EIF2S2: variants seen among roughly 807,000 people sequenced by gnomAD.
EIF2S2 encodes eukaryotic translation initiation factor 2 subunit 2.
A neutral mutation model predicts 44.0 loss-of-function variants in EIF2S2; 4 were observed. The ratio of observed to expected loss-of-function variants is 0.09; its 90% CI spans 0.04 to 0.21. EIF2S2 has a LOEUF of 0.21. EIF2S2 is among the 10% of genes least tolerant of loss of function. EIF2S2 has a pLI of 1.00. For missense variants in EIF2S2, 154 were observed against 392.0 expected, an observed-to-expected ratio of 0.39 and a Z score of 5.13; for synonymous variants, 108 against 128.3, an observed-to-expected ratio of 0.84 and a Z score of 1.07.
chr20:34,105,583 T>C lies in EIF2S2; in HGVS notation c.16-38A>G, dbSNP rs372973772. Reference sequence around the variant, plus strand: ...CAAAAAACAAAAAGGGACCAAATGATTGTTTTTAATGATGCTCACATTCCA... The same window carrying C: ...CAAAAAACAAAAAGGGACCAAATGACTGTTTTTAATGATGCTCACATTCCA... On this transcript the variant is annotated intron_variant, in intron 1 of 8. Coordinates refer to ENST00000374980, the MANE Select transcript of EIF2S2 (RefSeq NM_003908.5). 14 of 1,493,918 alleles carry C rather than the reference T, an allele frequency of 9.4e-6. 1 individual carries two copies. In the African/African-American group the frequency reaches 1.8e-4, roughly 20 times the overall value. 92.5% of individuals were successfully genotyped at this position (1,493,918 alleles called of 1,614,324 possible). A position where few individuals can be genotyped will look rare whatever the true frequency, so the allele number is the denominator to read the frequency against.
At chr20:34,091,133 ACAAT>A (rs1489773242) in intron 7 of EIF2S2, among the ~76,000 whole-genome samples, 1 of 152,206 alleles carries the variant, frequency 6.6e-6, no homozygotes, top group Admixed American at 6.5e-5. Context: ...TCCAGTGATA[ACAAT>A]CAGATTTATA....
intron 1 of EIF2S2, among the ~76,000 whole-genome samples, chr20:34,111,189 C>T (rs1171200470): frequency 6.6e-6 from 1 of 152,196 alleles, no homozygotes; most frequent in Non-Finnish European, 1.5e-5. Context: ...GATTATTCTA[C>T]TTCCTGTGAG....
chr20:34,090,604 TATGAA>T lies in EIF2S2; in HGVS notation c.741-7_741-3del. ...TGGTTATTACCATCTATAGAACCAC[TATGAA>T]AGAAAACAAAAATATCTCCATTATT... On this transcript the variant is annotated splice_region_variant and splice_polypyrimidine_tract_variant and intron_variant, in intron 7 of 8. Transcript: ENST00000374980. The T allele has an allele frequency of 6.6e-7, 1 of 1,508,796 alleles. No homozygotes were observed. Among genetic ancestry groups the T allele is most frequent in the Admixed American group, 2.3e-5 (1 of 43,512 alleles). 93.5% of individuals were successfully genotyped at this position (1,508,796 alleles called of 1,614,324 possible). A position where few individuals can be genotyped will look rare whatever the true frequency, so the allele number is the denominator to read the frequency against.
At chr20:34,093,800 G>C in intron 6 of EIF2S2, 69 bp from the exon 7 acceptor site, 1 of 1,373,818 alleles carries the variant, frequency 7.3e-7, no homozygotes. Context: ...TAAAAAATCT[G>C]TTCATTGTTT....
At chr20:34,097,572 TG>T in intron 4 of EIF2S2, 56 bp from the exon 5 acceptor site, 1 of 1,428,722 alleles carries the variant, frequency 7.0e-7, no homozygotes. Context: ...AATACAAAAG[TG>T]GGGTGGGTCT....
At chr20:34,102,644 T>C (rs1047230158) in intron 3 of EIF2S2, among the ~76,000 whole-genome samples, 1 of 152,144 alleles carries the variant, frequency 6.6e-6, no homozygotes, top group African/African-American at 2.4e-5. Context: ...TCAAAGAAAA[T>C]TTTGAGTAGA....
At chr20:34,107,495 AGTATGTAAAT>A (rs1392167755) in intron 1 of EIF2S2, among the ~76,000 whole-genome samples, 1 of 152,226 alleles carries the variant, frequency 6.6e-6, no homozygotes, top group African/African-American at 2.4e-5. Flanking sequence ...GGGTTAAAGA[AGTATGTAAAT>A]GTAAAACACT....
At chr20:34,106,256 G>C (rs895134208) in intron 1 of EIF2S2, among the ~76,000 whole-genome samples, 1 of 151,706 alleles carries the variant, frequency 6.6e-6, no homozygotes, top group Admixed American at 6.6e-5. Context: ...TGGTAACTTG[G>C]GGCTGTTACA....
chr20:34,103,102 T>C (rs1470086289), intron 3 of EIF2S2, among the ~76,000 whole-genome samples: 3 of 152,226 alleles, frequency 2.0e-5, no homozygotes, highest in Non-Finnish European at 2.9e-5. Context: ...AATTTGTATA[T>C]ATTCAATATG....
chr20:34,098,714 G>A, intron 3 of EIF2S2, 81 bp from the exon 4 acceptor site: 1 of 1,489,840 alleles, frequency 6.7e-7, no homozygotes, highest in Non-Finnish European at 9.0e-7. Flanking sequence ...CTGTTGAGAT[G>A]AGGAGGTCTT....
At chr20:34,095,452 C>T (rs2034217067) in intron 6 of EIF2S2, among the ~76,000 whole-genome samples, 1 of 152,084 alleles carries the variant, frequency 6.6e-6, no homozygotes, top group African/African-American at 2.4e-5. Flanking sequence ...AGCGGGATTA[C>T]AGGCACGTGC....
intron 6 of EIF2S2, among the ~76,000 whole-genome samples, chr20:34,095,302 AGCT>A (rs2034213639): frequency 1.4e-5 from 2 of 143,860 alleles, no homozygotes; most frequent in African/African-American, 5.2e-5. Context: ...ATGATAAGTT[AGCT>A]ACCTCTTTTT....
At chr20:34,100,685 T>C (rs564207082) in intron 3 of EIF2S2, among the ~76,000 whole-genome samples, 2 of 152,180 alleles carry the variant, frequency 1.3e-5, no homozygotes, top group Admixed American at 6.5e-5. Flanking sequence ...CTGGCACCAG[T>C]CTGTGGCGTG....
At chr20:34,091,968 T>C (rs1292934035) in intron 7 of EIF2S2, among the ~76,000 whole-genome samples, 7 of 152,088 alleles carry the variant, frequency 4.6e-5, no homozygotes, top group Non-Finnish European at 8.8e-5. Flanking sequence ...CTGTCAATGG[T>C]ACTTAATGAT....
Position 34,098,587 on chromosome 20 carries a change from T to A in EIF2S2, c.344A>T (p.Asp115Val). 1 of 1,614,032 alleles carries A rather than the reference T, an allele frequency of 6.2e-7. No homozygotes were observed. The highest frequency in any genetic ancestry group is 8.5e-7 in the Non-Finnish European group (1 of 1,180,008). The change falls in exon 4 of 9, where the codon GAT becomes GTT. Residue 115 changes from aspartate (D) to valine (V), a missense_variant. Coordinates refer to ENST00000374980, the MANE Select transcript of EIF2S2 (RefSeq NM_003908.5). Reference sequence around the variant, plus strand: ...ATTGCCAAGCATAATGTCAAGGTCATCCTCTGGTTCAGTTGGTTCTTGAAC... The same window carrying A: ...ATTGCCAAGCATAATGTCAAGGTCAACCTCTGGTTCAGTTGGTTCTTGAAC... ...SDVQEPTEPE[D>V]DLDIMLGNKK...
At chr20:34,094,207 A>G (rs117837127) in intron 6 of EIF2S2, among the ~76,000 whole-genome samples, 6 of 152,332 alleles carry the variant, frequency 3.9e-5, no homozygotes, top group South Asian at 4.1e-4. Context: ...TTACACTTCA[A>G]TGCCCATAAG....
chr20:34,108,019 G>C (rs1315919019), intron 1 of EIF2S2: 1 of 152,144 alleles, frequency 6.6e-6, no homozygotes, highest in Non-Finnish European at 1.5e-5. Flanking sequence ...CTTCATTCTA[G>C]AAATAGGGAG....
At position 34,102,381 on chromosome 20, in the gene EIF2S2, C is replaced by T. The variant is rs114167695; in HGVS notation, c.297+1081G>A. On this transcript the variant is annotated intron_variant, in intron 3 of 8. Coordinates refer to ENST00000374980, the MANE Select transcript of EIF2S2 (RefSeq NM_003908.5). Reference sequence around the variant, plus strand: ...AATCCAGATAAAACCAGCTTGTTCTCAAGGATTCTAAATTATCCTTGAACC... The same window carrying T: ...AATCCAGATAAAACCAGCTTGTTCTTAAGGATTCTAAATTATCCTTGAACC... Among the ~76,000 whole-genome samples, 342 of 152,294 alleles carry T rather than the reference C, an allele frequency of 2.2e-3. 2 individuals carry two copies. Among genetic ancestry groups the T allele is most frequent in the African/African-American group, 7.5e-3 (313 of 41,548 alleles).
intron 2 of EIF2S2, among the ~76,000 whole-genome samples, 170 bp downstream of exon 2, chr20:34,105,198 A>C (rs2034334966): frequency 6.6e-6 from 1 of 152,218 alleles, no homozygotes; most frequent in South Asian, 2.1e-4. Context: ...CATCCCTGCA[A>C]CAAGCCTATC....
Sources: allele counts gnomAD v4.1 joint callset (sites outside exome capture counted in the v4.1 genomes callset), GRCh38; gene constraint gnomAD v4.1.1; transcripts MANE v1.5; gene names NCBI Gene and HGNC (gene_info 2026-07-23, HGNC 2026-07-21).